Variants in SLC35F4 observed in about 807,000 individuals in gnomAD.
SLC35F4 encodes chromosome 14 open reading frame 36.
Under a neutral mutation model 44.2 loss-of-function variants are expected in SLC35F4, and 24 were observed. The observed-to-expected ratio is 0.54, with a 90% CI of 0.39 to 0.76. The LOEUF (loss-of-function observed/expected upper bound fraction) is 0.76. SLC35F4 is among the 30% of genes least tolerant of loss of function. The pLI is 0.00. For missense variants in SLC35F4, 562 were observed against 586.1 expected (o/e 0.96, Z 0.42); for synonymous variants, 238 against 223.6 (o/e 1.06, Z -0.57).
At chr14:57,709,607 C>T (rs1349558739) in intron 1 of SLC35F4, among the ~76,000 whole-genome samples, 6 of 152,196 alleles carry the variant, frequency 3.9e-5, no homozygotes, top group Middle Eastern at 3.4e-3. Flanking sequence ...TGGCTTGCCG[C>T]TCACAAAACT....
intron 1 of SLC35F4, among the ~76,000 whole-genome samples, chr14:57,835,774 C>A (rs748670260): frequency 6.6e-6 from 1 of 152,208 alleles, no homozygotes; most frequent in Non-Finnish European, 1.5e-5. Context: ...CCTCGCTAGT[C>A]TGTCAAAGTT....
intron 4 of SLC35F4, 113 bp downstream of exon 4, chr14:57,581,101 A>G (rs1312118556): frequency 1.7e-6 from 2 of 1,148,194 alleles, no homozygotes; most frequent in Non-Finnish European, 2.3e-6. Flanking sequence ...TGTACTCAGA[A>G]CAAGTGAGAA....
At position 57,888,961 on chromosome 14, in the gene SLC35F4, T is replaced by C. The variant is rs1888706024; in HGVS notation, n.282+92952A>G. On this transcript the variant is annotated intron_variant and non_coding_transcript_variant, in intron 1 of 1. Coordinates refer to the SLC35F4 transcript ENST00000556568. The stretch of plus-strand genomic sequence containing the variant: ...ATTCAAAGAATAATAACTCAGTATA[T>C]GCCATGAGCCAGTCCTCATGCTAGT... 1.3e-5 allele frequency among the ~76,000 whole-genome samples: 2 copies of C among 152,208 alleles called. 1 individual carries two copies. Among genetic ancestry groups the C allele is most frequent in the South Asian group, 4.1e-4 (2 of 4,834 alleles).
At chr14:57,981,651 AC>A (rs1480431269) in intron 1 of SLC35F4, among the ~76,000 whole-genome samples, 2 of 152,184 alleles carry the variant, frequency 1.3e-5, no homozygotes, top group Non-Finnish European at 2.9e-5. Context: ...TTCCTGTCAG[AC>A]TTTTATTATC....
intron 1 of SLC35F4, among the ~76,000 whole-genome samples, chr14:57,755,200 G>A (rs764631843): frequency 9.2e-5 from 14 of 152,182 alleles, no homozygotes; most frequent in East Asian, 1.9e-4. Flanking sequence ...CACAGGGCTC[G>A]CTGTGTTGGC....
chr14:57,853,897 C>T lies in SLC35F4; in HGVS notation c.103+11826G>A, dbSNP rs7143284. Reference sequence around the variant, plus strand: ...TCCCCGGTGTCTTTTCAATAGCTCCCATTTTGCTTCAGCTAGTTCAAGTGG... The same window carrying T: ...TCCCCGGTGTCTTTTCAATAGCTCCTATTTTGCTTCAGCTAGTTCAAGTGG... On this transcript the variant is annotated intron_variant, in intron 1 of 7. Transcript: ENST00000556826. Among the ~76,000 whole-genome samples the T allele has an allele frequency of 0.024, 3,583 of 152,280 alleles. 449 individuals are homozygous for T. The East Asian group carries it at 0.4, about 17-fold the overall frequency.
chr14:57,764,459 G>T (rs1165609207), intron 1 of SLC35F4, among the ~76,000 whole-genome samples: 1 of 152,196 alleles, frequency 6.6e-6, no homozygotes, highest in African/African-American at 2.4e-5. Context: ...TACATTCACA[G>T]CTTAGTTACA....
chr14:57,678,187 C>G (rs1285433216), intron 1 of SLC35F4, among the ~76,000 whole-genome samples: 1 of 152,108 alleles, frequency 6.6e-6, no homozygotes, highest in African/African-American at 2.4e-5. Context: ...TGCAGAAACC[C>G]TACAAGCCAG....
rs147539188 is a variant in SLC35F4, at chr14:57,875,488, A to G, written n.282+106425T>C. Among the ~76,000 whole-genome samples, 21 of 152,330 alleles carry G rather than the reference A, an allele frequency of 1.4e-4. No individual in the cohort carries two copies. In the East Asian group the frequency reaches 1.5e-3, roughly 11 times the overall value. On this transcript the variant is annotated intron_variant and non_coding_transcript_variant, in intron 1 of 1. Coordinates refer to the SLC35F4 transcript ENST00000556568. Reference sequence around the variant, plus strand: ...CTTGCATGGTTCTACTAATCTGGCCAGGCTTGGTTGATCCTGGATGGGCTT... The same window carrying G: ...CTTGCATGGTTCTACTAATCTGGCCGGGCTTGGTTGATCCTGGATGGGCTT...
chr14:57,708,042 C>A (rs149069205), intron 1 of SLC35F4, among the ~76,000 whole-genome samples: 10 of 152,296 alleles, frequency 6.6e-5, no homozygotes, highest in African/African-American at 2.4e-4. Flanking sequence ...TTAGAAATTA[C>A]AGTTTAGGGA....
chr14:57,720,508 T>A (rs559308316), intron 1 of SLC35F4, among the ~76,000 whole-genome samples: 23 of 152,302 alleles, frequency 1.5e-4, no homozygotes, highest in Admixed American at 1.5e-3. Flanking sequence ...TTGATCTCAT[T>A]ACTTGTTATT....
At chr14:57,816,432 G>C (rs1882603567) in intron 1 of SLC35F4, among the ~76,000 whole-genome samples, 1 of 150,654 alleles carries the variant, frequency 6.6e-6, no homozygotes, top group Non-Finnish European at 1.5e-5. Flanking sequence ...CCACTATTCA[G>C]AAACCTTAGC....
chr14:57,661,136 C>G (rs961648337), intron 1 of SLC35F4, among the ~76,000 whole-genome samples: 2 of 152,142 alleles, frequency 1.3e-5, no homozygotes, highest in African/African-American at 4.8e-5. Flanking sequence ...TCAGGCCTTT[C>G]TTTTTACAGA....
At chr14:57,958,428 TA>T (rs1343826063) in intron 1 of SLC35F4, among the ~76,000 whole-genome samples, 17 of 152,194 alleles carry the variant, frequency 1.1e-4, no homozygotes, top group African/African-American at 3.6e-4. Context: ...TGGTTTCATT[TA>T]TATGAAATGT....
chr14:57,823,092 C>T (rs1321990901), intron 1 of SLC35F4, among the ~76,000 whole-genome samples: 1 of 152,062 alleles, frequency 6.6e-6, no homozygotes, highest in Non-Finnish European at 1.5e-5. Flanking sequence ...TGTTTAAAAC[C>T]ACCCACAGTC....
At chr14:57,639,992 A>G (rs1200506618) in intron 1 of SLC35F4, among the ~76,000 whole-genome samples, 1 of 151,578 alleles carries the variant, frequency 6.6e-6, no homozygotes, top group Non-Finnish European at 1.5e-5. Flanking sequence ...GCCAACAAAG[A>G]CCTCCCCCTT....
chr14:57,916,323 T>C (rs1889329005), intron 1 of SLC35F4, among the ~76,000 whole-genome samples: 1 of 152,268 alleles, frequency 6.6e-6, no homozygotes, highest in Non-Finnish European at 1.5e-5. Context: ...TCAACACCGT[T>C]ATGATGGCAA....
At chr14:57,975,644 A>T (rs571355983), downstream of SLC35F4, among the ~76,000 whole-genome samples, 1 of 152,306 alleles carries the variant, frequency 6.6e-6, no homozygotes, top group African/African-American at 2.4e-5. Context: ...AGACCTGAAA[A>T]CCCACCAAAT....
At chr14:57,640,650 G>C (rs2073184806) in intron 1 of SLC35F4, among the ~76,000 whole-genome samples, 1 of 152,018 alleles carries the variant, frequency 6.6e-6, no homozygotes, top group Non-Finnish European at 1.5e-5. Flanking sequence ...ACTCAGGGAA[G>C]TTAAGTAAAA....
Sources: gnomAD v4.1 joint callset for allele counts (sites outside exome capture counted in the v4.1 genomes callset) on GRCh38, gnomAD v4.1.1 for gene constraint, MANE v1.5 for transcripts, NCBI Gene and HGNC (gene_info 2026-07-23, HGNC 2026-07-21) for gene names.